Variants in CACNB2 observed in about 807,000 individuals in gnomAD.
CACNB2 encodes the protein voltage-dependent L-type calcium channel subunit beta-2.
Under a neutral mutation model 73.3 loss-of-function variants are expected in CACNB2, and 42 were observed. The observed-to-expected ratio is 0.57, with a 90% CI of 0.45 to 0.74. The LOEUF (loss-of-function observed/expected upper bound fraction) is 0.74, where lower values mean the gene tolerates loss of function less well. CACNB2 is among the 30% of genes least tolerant of loss of function. The probability of loss-of-function intolerance (pLI) is 0.00; values close to 1 mark genes in which losing one functional copy is unlikely to be tolerated. For missense variants in CACNB2, 940 were observed against 853.0 expected (o/e 1.10, Z -1.27); for synonymous variants, 348 against 310.3 (o/e 1.12, Z -1.28).
Position 18,539,677 on chromosome 10 carries a change from C to CGGAATGAGGCTGGGGAGT in CACNB2, c.1941_1958dup (p.Glu648_Asn653dup). ...GGATGGAGAAGTGATATCAAAAAAA[C>CGGAATGAGGCTGGGGAGT]GGAATGAGGCTGGGGAGTGGAACAG... On this transcript the variant is annotated inframe_insertion, in exon 14 of 14. Transcript: ENST00000324631. The CGGAATGAGGCTGGGGAGT allele has an allele frequency of 6.2e-7, 1 of 1,611,838 alleles. No individual in the cohort carries two copies. The highest frequency in any genetic ancestry group is 8.5e-7 in the Non-Finnish European group (1 of 1,179,606).
At chr10:18,359,620 A>G (rs1159301079) in intron 2 of CACNB2, among the ~76,000 whole-genome samples, 2 of 149,816 alleles carry the variant, frequency 1.3e-5, no homozygotes, top group East Asian at 2.0e-4. Context: ...TTTCTTTTTC[A>G]TACTTTAAGT....
Position 18,536,116 on chromosome 10 carries a change from A to G in CACNB2, c.1222A>G (p.Ile408Val). 2.5e-6 allele frequency: 4 copies of G among 1,607,166 alleles called. No homozygotes were observed. Among genetic ancestry groups the G allele is most frequent in the Non-Finnish European group, 3.4e-6 (4 of 1,173,802 alleles). The change falls in exon 12 of 14, where the codon ATA becomes GTA. Residue 408 changes from isoleucine to valine, a missense_variant. Transcript: ENST00000324631. ...ISSPKVLQRLIKSRGKSQAKH... is the reference protein window; with the variant it reads ...ISSPKVLQRLVKSRGKSQAKH... The stretch of plus-strand genomic sequence containing the variant: ...TCTTTTACAGGTTTTACAAAGGTTA[A>G]TAAAATCTCGAGGGAAATCTCAAGC...
intron 1 of CACNB2, among the ~76,000 whole-genome samples, chr10:18,141,838 A>G (rs1201774761): frequency 6.6e-6 from 1 of 152,164 alleles, no homozygotes; most frequent in East Asian, 1.9e-4. Context: ...TCTTGGTTAC[A>G]TTTCAGGCAG....
At chr10:18,521,623 G>A (rs1393538617) in intron 9 of CACNB2, among the ~76,000 whole-genome samples, 2 of 152,202 alleles carry the variant, frequency 1.3e-5, no homozygotes, top group Non-Finnish European at 2.9e-5. Context: ...CCTTGGCTTT[G>A]TGGGGCTTAA....
chr10:18,252,438 A>G (rs938989777), intron 2 of CACNB2, among the ~76,000 whole-genome samples: 13 of 152,228 alleles, frequency 8.5e-5, no homozygotes, highest in African/African-American at 3.1e-4. Context: ...TCGAAAGCTT[A>G]CAGCCAGATC....
intron 2 of CACNB2, among the ~76,000 whole-genome samples, chr10:18,232,003 T>G (rs2036242680): frequency 6.6e-6 from 1 of 152,254 alleles, no homozygotes; most frequent in Admixed American, 6.5e-5. Flanking sequence ...TTGGAAATTG[T>G]CCTTTATTGC....
At chr10:18,516,645 C>A (rs926289347) in intron 7 of CACNB2, among the ~76,000 whole-genome samples, 2 of 152,222 alleles carry the variant, frequency 1.3e-5, no homozygotes, top group South Asian at 4.1e-4. Context: ...GCCTTCGGCA[C>A]TGGTATTCAT....
Position 18,539,250 on chromosome 10 carries a change from GACTGATCGCTCCGCTCCT to G in CACNB2, c.1511_1528del (p.Thr504_Pro509del). The G allele has an allele frequency of 6.2e-7, 1 of 1,613,958 alleles. No homozygotes were observed. Among genetic ancestry groups the G allele is most frequent in the Non-Finnish European group, 8.5e-7 (1 of 1,179,988 alleles). The stretch of plus-strand genomic sequence containing the variant: ...GCCAGGGTTCTCAAGGTGATCAGAG[GACTGATCGCTCCGCTCCT>G]ATCCGTTCTGCTTCCCAAGCTGAAG... On this transcript the variant is annotated inframe_deletion, in exon 14 of 14. Coordinates refer to ENST00000324631, the MANE Select transcript of CACNB2 (RefSeq NM_201596.3).
chr10:18,245,178 T>C (rs1339438769), intron 2 of CACNB2, among the ~76,000 whole-genome samples: 1 of 152,146 alleles, frequency 6.6e-6, no homozygotes, highest in Non-Finnish European at 1.5e-5. Context: ...ACTGTATTTA[T>C]GGTAATTTGT....
chr10:18,500,076 G>C (rs1228371692), intron 4 of CACNB2, among the ~76,000 whole-genome samples: 1 of 152,138 alleles, frequency 6.6e-6, no homozygotes, highest in Non-Finnish European at 1.5e-5. Context: ...AAAGTTATCA[G>C]CTGTGCCTAG....
At chr10:18,157,062 C>CAA (rs528189125) in intron 2 of CACNB2, among the ~76,000 whole-genome samples, 2,096 of 116,248 alleles carry the variant, frequency 0.018, 28 homozygotes, top group African/African-American at 0.04. Flanking sequence ...AACTTTGTCT[C>CAA]AAAAAAAAAA....
intron 2 of CACNB2, among the ~76,000 whole-genome samples, chr10:18,390,456 C>T (rs778715927): frequency 3.3e-5 from 5 of 152,342 alleles, no homozygotes; most frequent in Middle Eastern, 3.4e-3. Context: ...TTGTGATCTG[C>T]CCACCTTGGC....
intron 2 of CACNB2, among the ~76,000 whole-genome samples, chr10:18,210,978 T>A (rs2035294399): frequency 6.6e-6 from 1 of 152,198 alleles, no homozygotes; most frequent in Admixed American, 6.5e-5. Context: ...TCCTCGTGTA[T>A]ACATGGACAC....
chr10:18,182,227 TTGAGGCGGGCATCCACC>T (rs1271308883), intron 2 of CACNB2: 3 of 151,304 alleles, frequency 2.0e-5, no homozygotes, highest in Non-Finnish European at 4.4e-5. Context: ...CTTTGGGAGG[TTGAGGCGGGCATCCACC>T]TGAGGTCAAG....
chr10:18,379,688 T>C (rs1311750311), intron 2 of CACNB2, among the ~76,000 whole-genome samples: 1 of 152,136 alleles, frequency 6.6e-6, no homozygotes, highest in Non-Finnish European at 1.5e-5. Context: ...CCCACCATTC[T>C]ACATTTCTGG....
At chr10:18,172,461 T>C (rs1266966664) in intron 2 of CACNB2, among the ~76,000 whole-genome samples, 1 of 152,234 alleles carries the variant, frequency 6.6e-6, no homozygotes, top group Non-Finnish European at 1.5e-5. Flanking sequence ...TGCCATTTGA[T>C]TGTGTTTTCT....
At chr10:18,486,224 G>T (rs890582963) in intron 3 of CACNB2, among the ~76,000 whole-genome samples, 28 of 151,906 alleles carry the variant, frequency 1.8e-4, no homozygotes, top group African/African-American at 6.8e-4. Flanking sequence ...TTCTATCACT[G>T]GCACATTTTT....
chr10:18,224,997 T>C (rs2035936136), intron 2 of CACNB2, among the ~76,000 whole-genome samples: 1 of 152,222 alleles, frequency 6.6e-6, no homozygotes, highest in Non-Finnish European at 1.5e-5. Flanking sequence ...TCGCTCTCTA[T>C]GGCCCTTGTT....
chr10:18,216,384 TC>T (rs1317902308), intron 2 of CACNB2, among the ~76,000 whole-genome samples: 1 of 152,114 alleles, frequency 6.6e-6, no homozygotes, highest in Admixed American at 6.6e-5. Context: ...TCTGGTAAAG[TC>T]CATCAAAAGA....
Sources: allele counts gnomAD v4.1 joint callset (sites outside exome capture counted in the v4.1 genomes callset), GRCh38; gene constraint gnomAD v4.1.1; transcripts MANE v1.5; gene names NCBI Gene and HGNC (gene_info 2026-07-23, HGNC 2026-07-21).